NETO1: variants seen among roughly 807,000 people sequenced by gnomAD.
NETO1 encodes neuropilin and tolloid like 1.
Under a neutral mutation model 61.3 loss-of-function variants are expected in NETO1, and 26 were observed. The observed-to-expected ratio is 0.42, with a 90% confidence interval of 0.31 to 0.59. The LOEUF is 0.59. NETO1 is among the 20% of genes least tolerant of loss of function. The probability of loss-of-function intolerance (pLI) is 0.12; values close to 1 mark genes in which losing one functional copy is unlikely to be tolerated. For synonymous variants in NETO1, 225 were observed against 225.8 expected, an observed-to-expected ratio of 1.00 and a Z score of 0.03; for missense variants, 531 against 662.8, an observed-to-expected ratio of 0.80 and a Z score of 2.18.
At chr18:72,810,717 C>T (rs568034216) in intron 4 of NETO1, among the ~76,000 whole-genome samples, 2 of 152,264 alleles carry the variant, frequency 1.3e-5, no homozygotes, top group South Asian at 2.1e-4. Context: ...TGTAGTTCCT[C>T]GCTCGTTTTT....
chr18:72,770,199 T>C lies in NETO1; in HGVS notation c.868+13479A>G, dbSNP rs570317604. On this transcript the variant is annotated intron_variant, in intron 7 of 10. Coordinates refer to ENST00000327305, the MANE Select transcript of NETO1 (RefSeq NM_138966.5). ...TATTTATGCTTCTCTTATGAATTAA[T>C]TATGCACATTTTGGCCCCATTTTCT... 3.9e-5 allele frequency among the ~76,000 whole-genome samples: 6 copies of C among 152,190 alleles called. No individual in the cohort carries two copies. In the South Asian group the frequency reaches 1.0e-3, roughly 26 times the overall value.
intron 6 of NETO1, among the ~76,000 whole-genome samples, chr18:72,788,757 C>A (rs2072009007): frequency 6.6e-6 from 1 of 152,008 alleles, no homozygotes; most frequent in Non-Finnish European, 1.5e-5. Context: ...TTTTTCAAAT[C>A]ACATGGAAAG....
chr18:72,844,292 C>CT, intron 4 of NETO1, among the ~76,000 whole-genome samples: 1 of 152,270 alleles, frequency 6.6e-6, no homozygotes, highest in East Asian at 1.9e-4. Context: ...GCTTCTAACA[C>CT]TTTCTTATTG....
At chr18:72,755,937 C>T (rs924955294) in intron 8 of NETO1, 97 bp downstream of exon 8, 22 of 642,102 alleles carry the variant, frequency 3.4e-5, no homozygotes, top group African/African-American at 3.3e-4. Context: ...AGGCACTATA[C>T]ACTCTTATTT....
intron 8 of NETO1, among the ~76,000 whole-genome samples, chr18:72,754,847 A>G (rs769320339): frequency 9.9e-5 from 15 of 152,222 alleles, no homozygotes; most frequent in Non-Finnish European, 2.1e-4. Flanking sequence ...CCTAGCAGAC[A>G]TAACAGGCAT....
At position 72,828,214 on chromosome 18, in the gene NETO1, C is replaced by T. The variant is rs140187609; in HGVS notation, c.469+30612G>A. Among the ~76,000 whole-genome samples the T allele has an allele frequency of 1.5e-3, 232 of 152,022 alleles. 1 individual carries two copies. Among genetic ancestry groups the T allele is most frequent in the Non-Finnish European group, 2.7e-3 (185 of 67,980 alleles). ...TAATCTTAGCTACTCGGGAAGCTGA[C>T]GGGGGATAATCGCTTGAACCCAGGA... On this transcript the variant is annotated intron_variant, in intron 4 of 10. Transcript: ENST00000327305.
At chr18:72,769,015 C>T (rs976657486) in intron 7 of NETO1, among the ~76,000 whole-genome samples, 2 of 152,132 alleles carry the variant, frequency 1.3e-5, no homozygotes, top group African/African-American at 4.8e-5. Context: ...CCAAAGTGGC[C>T]GTCGCTGTAC....
intron 7 of NETO1, among the ~76,000 whole-genome samples, chr18:72,780,272 C>T (rs961995382): frequency 5.3e-5 from 8 of 152,138 alleles, no homozygotes; most frequent in Non-Finnish European, 1.2e-4. Flanking sequence ...TGTGAAAGAA[C>T]ATATTGGGAT....
intron 4 of NETO1, among the ~76,000 whole-genome samples, chr18:72,819,051 T>C (rs972511058): frequency 5.9e-5 from 9 of 152,244 alleles, no homozygotes; most frequent in Non-Finnish European, 1.3e-4. Context: ...TTTTTTAATC[T>C]AACATTAGTT....
At chr18:72,782,526 C>A (rs2071778009) in intron 7 of NETO1, among the ~76,000 whole-genome samples, 1 of 152,182 alleles carries the variant, frequency 6.6e-6, no homozygotes, top group Admixed American at 6.5e-5. Flanking sequence ...ATTCTGAGGC[C>A]AGGCACAGTG....
intron 4 of NETO1, among the ~76,000 whole-genome samples, chr18:72,808,373 C>T (rs2072747804): frequency 6.6e-6 from 1 of 151,446 alleles, no homozygotes; most frequent in Non-Finnish European, 1.5e-5. Context: ...GAGGAAAATG[C>T]TGTCTCTGCT....
chr18:72,771,722 A>G (rs1245764067), intron 7 of NETO1, among the ~76,000 whole-genome samples: 1 of 152,152 alleles, frequency 6.6e-6, no homozygotes, highest in Non-Finnish European at 1.5e-5. Flanking sequence ...TACTATATTA[A>G]TAAATAGCAA....
intron 6 of NETO1, among the ~76,000 whole-genome samples, chr18:72,793,164 T>A (rs935436233): frequency 6.6e-6 from 1 of 151,998 alleles, no homozygotes; most frequent in Non-Finnish European, 1.5e-5. Context: ...CTTTATAGAG[T>A]CACAAAATCA....
intron 4 of NETO1, among the ~76,000 whole-genome samples, chr18:72,810,857 A>C (rs574946935): frequency 2.6e-5 from 4 of 152,200 alleles, no homozygotes; most frequent in Non-Finnish European, 5.9e-5. Flanking sequence ...CGGTGATGTT[A>C]GAAGGAAAGA....
chr18:72,802,318 C>T (rs1212484697), intron 4 of NETO1, among the ~76,000 whole-genome samples: 1 of 152,188 alleles, frequency 6.6e-6, no homozygotes, highest in Non-Finnish European at 1.5e-5. Context: ...AAACCATTTA[C>T]ACCTGCCATT....
At chr18:72,864,663 A>C in intron 3 of NETO1, 145 bp downstream of exon 3, 1 of 1,054,496 alleles carries the variant, frequency 9.5e-7, no homozygotes. Context: ...CAGATTTTAC[A>C]GTTATTGATT....
Position 72,747,069 on chromosome 18 carries a change from T to C in NETO1, c.*1110A>G, listed in dbSNP as rs2070447403. ...ATTCTAAAAGAAGAAAATATTCCCCTAAACTTTTAGAAGCCAAATATTTTG... is the reference window on the plus strand; with the variant it reads ...ATTCTAAAAGAAGAAAATATTCCCCCAAACTTTTAGAAGCCAAATATTTTG... On this transcript the variant is annotated 3_prime_UTR_variant, in exon 11 of 11. Coordinates refer to ENST00000327305, the MANE Select transcript of NETO1 (RefSeq NM_138966.5). 6.6e-6 allele frequency: 1 copy of C among 151,920 alleles called. No homozygotes were observed. Among genetic ancestry groups the C allele is most frequent in the Admixed American group, 6.6e-5 (1 of 15,236 alleles). The allele number at this position is 151,920 out of a possible 1,614,324, so 9.4% of individuals were successfully genotyped here.
intron 7 of NETO1, among the ~76,000 whole-genome samples, chr18:72,767,448 G>T (rs1432893398): frequency 6.6e-6 from 1 of 152,032 alleles, no homozygotes; most frequent in African/African-American, 2.4e-5. Flanking sequence ...ATGGTTCGAT[G>T]GAAAGTTCTG....
intron 4 of NETO1, among the ~76,000 whole-genome samples, chr18:72,826,052 TA>T (rs1950178077): frequency 6.6e-6 from 1 of 152,210 alleles, no homozygotes; most frequent in Non-Finnish European, 1.5e-5. Context: ...AAGTCTTTCA[TA>T]TAACTTACTT....
Sources: allele counts gnomAD v4.1 joint callset (sites outside exome capture counted in the v4.1 genomes callset), GRCh38; gene constraint gnomAD v4.1.1; transcripts MANE v1.5; gene names NCBI Gene and HGNC (gene_info 2026-07-23, HGNC 2026-07-21).